Variants in CAPN14 observed in about 807,000 individuals in gnomAD.
CAPN14 encodes the protein calpain 14, also known as calpain-14.
In CAPN14, 94 loss-of-function variants were observed where a neutral mutation model predicts 101.3. The observed-to-expected ratio is 0.93, with a 90% CI of 0.79 to 1.10. CAPN14 has a LOEUF of 1.10. Among genes scored for constraint, CAPN14 ranks in the 50% least tolerant of loss-of-function variants. CAPN14 has a pLI of 0.00. For missense variants in CAPN14, 837 were observed against 828.4 expected, an observed-to-expected ratio of 1.01 and a Z score of -0.13; for synonymous variants, 338 against 317.9, an observed-to-expected ratio of 1.06 and a Z score of -0.67.
At chr2:31,201,196 C>T (rs1383001090) in intron 5 of CAPN14, among the ~76,000 whole-genome samples, 1 of 129,944 alleles carries the variant, frequency 7.7e-6, no homozygotes, top group African/African-American at 2.6e-5. Flanking sequence ...TGTGTGTGTG[C>T]ATGTGTGTGT....
chr2:31,189,356 C>G lies in CAPN14; in HGVS notation c.1410G>C (p.Thr470=). 4 of 1,551,738 alleles carry G rather than the reference C, an allele frequency of 2.6e-6. No homozygotes were observed. In the South Asian group the frequency reaches 4.8e-5, roughly 18 times the overall value. Residue 470 remains threonine, a synonymous_variant, in exon 13 of 22, where the codon ACG becomes ACC. Coordinates refer to ENST00000403897, the MANE Select transcript of CAPN14 (RefSeq NM_001145122.2). ...CCAATATGCAGGGCACGATGAGGTA[C>G]GTCCCTGGTTCCAGACACAGCTCCT... ...VSQELCLEPG[T]YLIVPCILEA...
In CAPN14 at chr2:31,188,362, C is replaced by T. The variant is rs1414712114; in HGVS notation, c.1494-8G>A. The T allele has an allele frequency of 3.2e-6, 5 of 1,551,130 alleles. No homozygotes were observed. Among genetic ancestry groups the T allele is most frequent in the Non-Finnish European group, 4.4e-6 (5 of 1,146,608 alleles). On this transcript the variant is annotated splice_polypyrimidine_tract_variant and splice_region_variant and intron_variant, in intron 13 of 21. Transcript: ENST00000403897. Reference sequence around the variant, plus strand: ...GAATTGCTGCCAATTTCACTGAGAACAAACAAACAAGAACAAACTCAGAGT... The same window carrying T: ...GAATTGCTGCCAATTTCACTGAGAATAAACAAACAAGAACAAACTCAGAGT...
At chr2:31,187,446 C>G (rs1002284598) in intron 15 of CAPN14, among the ~76,000 whole-genome samples, 1 of 151,714 alleles carries the variant, frequency 6.6e-6, no homozygotes, top group South Asian at 2.1e-4. Flanking sequence ...CTGTCCCACT[C>G]CCAACTCTGA....
chr2:31,190,852 G>A (rs1415732980), intron 12 of CAPN14, among the ~76,000 whole-genome samples: 2 of 152,120 alleles, frequency 1.3e-5, no homozygotes, highest in East Asian at 3.9e-4. Context: ...TCCCTCAGAA[G>A]CTGGGATTCC....
intron 1 of CAPN14, among the ~76,000 whole-genome samples, chr2:31,216,511 C>T (rs1682650711): frequency 1.3e-5 from 2 of 152,112 alleles, no homozygotes. Flanking sequence ...AACGACCAGG[C>T]TCACACTCTA....
At chr2:31,202,299 T>G in intron 3 of CAPN14, 47 bp from the exon 4 acceptor site, 1 of 1,450,230 alleles carries the variant, frequency 6.9e-7, no homozygotes, top group Non-Finnish European at 9.5e-7. Flanking sequence ...CTGGGGACTT[T>G]ATGACTGCAG....
intron 18 of CAPN14, 24 bp downstream of exon 18, chr2:31,178,487 G>A: frequency 2.0e-6 from 3 of 1,534,790 alleles, no homozygotes; most frequent in South Asian, 2.4e-5. Context: ...CTTCCAAAGA[G>A]GTGTGGTTAA....
chr2:31,187,688 C>G (rs539877972), intron 15 of CAPN14, 70 bp downstream of exon 15: 20 of 1,377,042 alleles, frequency 1.5e-5, no homozygotes, highest in Non-Finnish European at 2.0e-5. Context: ...CAAACCTATA[C>G]TTTATAAAAT....
At chr2:31,218,781 TCTC>T (rs1438155917), upstream of CAPN14, among the ~76,000 whole-genome samples, 1 of 152,080 alleles carries the variant, frequency 6.6e-6, no homozygotes, top group Non-Finnish European at 1.5e-5. Flanking sequence ...TCCACTAACT[TCTC>T]CTCATCTTTG....
At chr2:31,217,828 T>G (rs1437941626), upstream of CAPN14, among the ~76,000 whole-genome samples, 1 of 152,208 alleles carries the variant, frequency 6.6e-6, no homozygotes, top group African/African-American at 2.4e-5. Flanking sequence ...CACATGATAC[T>G]GCTTGCTCAC....
chr2:31,183,731 T>G (rs145895469), intron 16 of CAPN14, among the ~76,000 whole-genome samples: 3,275 of 152,154 alleles, frequency 0.022, 48 homozygotes, highest in South Asian at 0.044. Flanking sequence ...ATTTTTACAC[T>G]GTTGGTGGGA....
At position 31,176,997 on chromosome 2, in the gene CAPN14, T is replaced by G. The variant is rs370662722; in HGVS notation, c.1972+29A>C. The G allele has an allele frequency of 1.5e-5, 22 of 1,478,500 alleles. No homozygotes were observed. The African/African-American group carries it at 2.5e-4, about 17-fold the overall frequency. 91.6% of individuals were successfully genotyped at this position (1,478,500 alleles called of 1,614,324 possible). ...AGTCATGGGGCAGCAGAGGAAGACC[T>G]GGCCCTCCCCAGCTTCCCGCCAGCT... On this transcript the variant is annotated intron_variant, in intron 20 of 21. Coordinates refer to ENST00000403897, the MANE Select transcript of CAPN14 (RefSeq NM_001145122.2).
At chr2:31,186,550 G>T (rs1457873402) in intron 15 of CAPN14, 65 bp from the exon 16 acceptor site, 1 of 1,229,824 alleles carries the variant, frequency 8.1e-7, no homozygotes, top group South Asian at 1.4e-5. Flanking sequence ...ATGGCAGAGG[G>T]GTCATATGAC....
At chr2:31,179,060 C>CTTTTTA (rs777643218) in intron 17 of CAPN14, among the ~76,000 whole-genome samples, 2 of 69,216 alleles carry the variant, frequency 2.9e-5, no homozygotes, top group African/African-American at 1.5e-4. Flanking sequence ...TTATTGAGTT[C>CTTTTTA]TATATATATA....
intron 10 of CAPN14, among the ~76,000 whole-genome samples, chr2:31,192,385 C>T (rs1681238541): frequency 6.6e-6 from 1 of 152,220 alleles, no homozygotes; most frequent in Admixed American, 6.5e-5. Context: ...CATGTGCTAC[C>T]TGAGTAAGCA....
At chr2:31,179,903 A>G (rs1182506325) in intron 17 of CAPN14, among the ~76,000 whole-genome samples, 1 of 152,222 alleles carries the variant, frequency 6.6e-6, no homozygotes, top group Non-Finnish European at 1.5e-5. Flanking sequence ...GGATATTTTG[A>G]CATGGCCAAT....
intron 21 of CAPN14, 146 bp downstream of exon 21, chr2:31,176,441 T>A: frequency 6.2e-6 from 4 of 643,362 alleles, no homozygotes; most frequent in Non-Finnish European, 1.1e-5. Flanking sequence ...AATGAATGAA[T>A]GAATGAGTGC....
rs969831999 is a variant in CAPN14 at position 31,191,371 on chromosome 2, G to C, written c.1287+28C>G. The C allele has an allele frequency of 9.1e-6, 14 of 1,541,230 alleles. No individual in the cohort carries two copies. In the African/African-American group the frequency reaches 1.3e-4, roughly 14 times the overall value. On this transcript the variant is annotated intron_variant, in intron 12 of 21. Transcript: ENST00000403897. The stretch of plus-strand genomic sequence containing the variant: ...CCACATGTGATGTCACCCCAAACTA[G>C]GGCCACCCGGTCAAGTGCAGAACTC...
chr2:31,230,097 G>T lies in CAPN14; in HGVS notation c.-176-3446C>A, dbSNP rs973325918. 1.3e-5 allele frequency among the ~76,000 whole-genome samples: 2 copies of T among 152,156 alleles called. No homozygotes were observed. The highest frequency in any genetic ancestry group is 4.8e-5 in the African/African-American group (2 of 41,414). On this transcript the variant is annotated intron_variant and NMD_transcript_variant, in intron 1 of 21. Transcript: ENST00000398824. The surrounding 1 kb of genome is among the most constrained non-coding windows in gnomAD (Gnocchi z 4.3). ...TGTTATATAGGTAAACTAGTGTCAT[G>T]GAGGTCTGTTGTACAGATGATTTCA...
Sources: allele counts gnomAD v4.1 joint callset (sites outside exome capture counted in the v4.1 genomes callset), GRCh38; gene constraint gnomAD v4.1.1; non-coding constraint Gnocchi (gnomAD v3.1); transcripts MANE v1.5; gene names NCBI Gene and HGNC (gene_info 2026-07-23, HGNC 2026-07-21).